Variants in PRMT9 observed in about 807,000 individuals in gnomAD.
PRMT9 encodes protein arginine N-methyltransferase 9.
In PRMT9, 59 loss-of-function variants were observed where a neutral mutation model predicts 83.2. The observed-to-expected ratio is 0.71, with a 90% CI of 0.57 to 0.88. The LOEUF (loss-of-function observed/expected upper bound fraction) is 0.88. Among genes scored for constraint, PRMT9 ranks in the 40% least tolerant of loss-of-function variants. The probability of loss-of-function intolerance (pLI) is 0.00; values close to 1 mark genes in which losing one functional copy is unlikely to be tolerated. For missense variants in PRMT9, 947 were observed against 1,021.9 expected (o/e 0.93, Z 1.00); for synonymous variants, 333 against 353.2 (o/e 0.94, Z 0.64).
At chr4:147,674,519 C>T (rs1735941656) in intron 2 of PRMT9, among the ~76,000 whole-genome samples, 1 of 152,066 alleles carries the variant, frequency 6.6e-6, no homozygotes, top group South Asian at 2.1e-4. Context: ...ACCTATCCAA[C>T]CCTCTAGAAC....
chr4:147,665,569 T>C (rs544425185), intron 6 of PRMT9, among the ~76,000 whole-genome samples: 4 of 152,296 alleles, frequency 2.6e-5, no homozygotes, highest in South Asian at 2.1e-4. Context: ...CACTTTCTAA[T>C]ACAGGATGCC....
chr4:147,657,734 A>T, intron 8 of PRMT9, 58 bp downstream of exon 8: 1 of 1,355,624 alleles, frequency 7.4e-7, no homozygotes, highest in Non-Finnish European at 1.0e-6. Flanking sequence ...TTTGCCACTG[A>T]CTTGAATACT....
chr4:147,641,652 A>G (rs1733408959), intron 10 of PRMT9, among the ~76,000 whole-genome samples: 1 of 152,064 alleles, frequency 6.6e-6, no homozygotes, highest in South Asian at 2.1e-4. Context: ...TATTCCCCAA[A>G]TCTAAATGTA....
chr4:147,681,299 A>G (rs1008252394), intron 1 of PRMT9, among the ~76,000 whole-genome samples: 2 of 152,238 alleles, frequency 1.3e-5, no homozygotes, highest in African/African-American at 2.4e-5. Flanking sequence ...TTGCTGGACT[A>G]CAGCAACAGC....
chr4:147,670,950 C>T (rs1407176013), intron 4 of PRMT9, among the ~76,000 whole-genome samples: 1 of 152,078 alleles, frequency 6.6e-6, no homozygotes, highest in Non-Finnish European at 1.5e-5. Context: ...TCCACTGGCT[C>T]CTTCTCCTTG....
At chr4:147,647,226 G>T (rs1392148096) in intron 9 of PRMT9, among the ~76,000 whole-genome samples, 1 of 152,130 alleles carries the variant, frequency 6.6e-6, no homozygotes. Context: ...GTCACAAGAT[G>T]TATAACTGCC....
Position 147,673,888 on chromosome 4 carries a change from T to C in PRMT9, c.339-14A>G, listed in dbSNP as rs1421432232. On this transcript the variant is annotated splice_polypyrimidine_tract_variant and intron_variant, in intron 2 of 11. Transcript: ENST00000322396. Reference sequence around the variant, plus strand: ...CTAAAGCCCATTCTAGAGTAAAAAATGACAAAAGACAAAATATATTCAACT... The same window carrying C: ...CTAAAGCCCATTCTAGAGTAAAAAACGACAAAAGACAAAATATATTCAACT... 2 of 1,596,030 alleles carry C rather than the reference T, an allele frequency of 1.3e-6. No homozygotes were observed. Among genetic ancestry groups the C allele is most frequent in the South Asian group, 2.2e-5 (2 of 90,694 alleles).
Position 147,654,346 on chromosome 4 carries a change from T to C in PRMT9, c.1551A>G (p.Thr517=), listed in dbSNP as rs1734336980. ...CAATTTCTGTAGATTCCAATATACATGTCTGCTCTACAGCATCTGGTTTAC... is the reference window on the plus strand; with the variant it reads ...CAATTTCTGTAGATTCCAATATACACGTCTGCTCTACAGCATCTGGTTTAC... The part of the protein sequence containing the change: ...QTSKPDAVEQ[T]CILESTEIAL... Residue 517 remains threonine (T), a synonymous_variant, in exon 9 of 12, where the codon ACA becomes ACG. Coordinates refer to ENST00000322396, the MANE Select transcript of PRMT9 (RefSeq NM_138364.4). 3 of 1,614,114 alleles carry C rather than the reference T, an allele frequency of 1.9e-6. No homozygotes were observed. The highest frequency in any genetic ancestry group is 2.2e-5 in the East Asian group (1 of 44,888).
intron 8 of PRMT9, among the ~76,000 whole-genome samples, chr4:147,657,125 CA>C (rs1294032567): frequency 6.6e-6 from 1 of 152,082 alleles, no homozygotes; most frequent in Non-Finnish European, 1.5e-5. Flanking sequence ...CAGGGCTCCA[CA>C]GACGTTATCG....
At chr4:147,669,253 C>T (rs1405804464) in intron 5 of PRMT9, among the ~76,000 whole-genome samples, 1 of 150,856 alleles carries the variant, frequency 6.6e-6, no homozygotes, top group Non-Finnish European at 1.5e-5. Context: ...TTTAATTAGC[C>T]AAGTGTGGTG....
At chr4:147,642,294 A>G (rs1440820373) in intron 10 of PRMT9, among the ~76,000 whole-genome samples, 1 of 151,792 alleles carries the variant, frequency 6.6e-6, no homozygotes, top group Non-Finnish European at 1.5e-5. Flanking sequence ...ACTGGAGTGC[A>G]GTGGCACGAT....
intron 2 of PRMT9, among the ~76,000 whole-genome samples, chr4:147,676,894 A>C (rs1285412849): frequency 3.3e-5 from 5 of 152,054 alleles, no homozygotes; most frequent in African/African-American, 1.2e-4. Flanking sequence ...AAATACAAAA[A>C]TTAGCCGGGC....
intron 7 of PRMT9, among the ~76,000 whole-genome samples, chr4:147,659,798 C>T (rs1461809926): frequency 1.3e-5 from 2 of 152,032 alleles, no homozygotes; most frequent in Admixed American, 1.3e-4. Flanking sequence ...CTAGGCTGGT[C>T]CTGAACTCCT....
Position 147,673,723 on chromosome 4 carries a change from T to A in PRMT9, c.490A>T (p.Thr164Ser). ...FIMLNDTKRN[T>S]IYNAAIQKAV... ...TTTTGGATTGCTGCATTATAAATTG[T>A]ATTCCTCTTGGTGTCATTAAGCATG... is the stretch of plus-strand genomic sequence containing the variant. Residue 164 changes from threonine (T) to serine (S), a missense_variant, in exon 3 of 12, where the codon ACA becomes TCA. Thr to Ser is a moderately conservative substitution (Grantham distance 58). Coordinates refer to ENST00000322396, the MANE Select transcript of PRMT9 (RefSeq NM_138364.4). The A allele has an allele frequency of 6.2e-7, 1 of 1,614,156 alleles. No homozygotes were observed. Among genetic ancestry groups the A allele is most frequent in the South Asian group, 1.1e-5 (1 of 91,078 alleles).
chr4:147,683,895 G>C lies in PRMT9; in HGVS notation c.93C>G (p.Ser31Arg), dbSNP rs1201206842. ...RDELVSRSLQ[S>R]AEHCLGVQDF... is the part of the protein sequence containing the mutation. ...CCTGGACGCCCAGACAGTGCTCTGCGCTCTGCAAGGACCGCGACACCAGCT... is the reference window on the plus strand; with the variant it reads ...CCTGGACGCCCAGACAGTGCTCTGCCCTCTGCAAGGACCGCGACACCAGCT... The change falls in exon 1 of 12, where the codon AGC becomes AGG. Residue 31 changes from serine (S) to arginine (R), a missense_variant. Physicochemically the swap from Ser to Arg is moderately radical, Grantham distance 110. Transcript: ENST00000322396. The C allele has an allele frequency of 6.2e-7, 1 of 1,613,560 alleles. No homozygotes were observed. Among genetic ancestry groups the C allele is most frequent in the Non-Finnish European group, 8.5e-7 (1 of 1,179,954 alleles).
At chr4:147,643,218 C>T (rs76813592) in intron 9 of PRMT9, among the ~76,000 whole-genome samples, 3,127 of 152,196 alleles carry the variant, frequency 0.021, 105 homozygotes, top group African/African-American at 0.068. Flanking sequence ...AGTGAACCAA[C>T]ATCCCGCCAC....
chr4:147,661,789 CA>C (rs70958573), intron 6 of PRMT9, among the ~76,000 whole-genome samples: 2 of 60,224 alleles, frequency 3.3e-5, no homozygotes, highest in African/African-American at 1.5e-4. Context: ...GACTCCATCT[CA>C]AAAAAAAAAA....
chr4:147,683,972 G>C lies in PRMT9; in HGVS notation c.16C>G (p.Pro6Ala), dbSNP rs1294835217. MSNSR[P>A]RSRRDAGGGA... The stretch of plus-strand genomic sequence containing the variant: ...CCCCCGGCGTCTCGGCGGGACCTGG[G>C]CCGCGAGTTCGACATGGCAGTCACC... The change falls in exon 1 of 12, where the codon CCC becomes GCC. Residue 6 changes from proline to alanine, a missense_variant. Coordinates refer to ENST00000322396, the MANE Select transcript of PRMT9 (RefSeq NM_138364.4). 1.9e-6 allele frequency: 3 copies of C among 1,612,692 alleles called. No homozygotes were observed. Among genetic ancestry groups the C allele is most frequent in the Non-Finnish European group, 2.5e-6 (3 of 1,179,666 alleles).
intron 10 of PRMT9, among the ~76,000 whole-genome samples, chr4:147,641,332 T>C (rs1733385121): frequency 6.6e-6 from 1 of 152,148 alleles, no homozygotes; most frequent in Non-Finnish European, 1.5e-5. Flanking sequence ...CTCTCCCTCT[T>C]GGTTGCTTCT....
Sources: gnomAD v4.1 joint callset for allele counts (sites outside exome capture counted in the v4.1 genomes callset) on GRCh38, gnomAD v4.1.1 for gene constraint, MANE v1.5 for transcripts, NCBI Gene and HGNC (gene_info 2026-07-23, HGNC 2026-07-21) for gene names.